The following SHISA5 variants were observed in gnomAD, a reference collection of about 807,000 sequenced individuals.
The protein encoded by SHISA5 is shisa family member 5, also known as protein shisa-5.
Under a neutral mutation model 27.5 loss-of-function variants are expected in SHISA5, and 21 were observed. The observed-to-expected ratio is 0.76, with a 90% CI of 0.54 to 1.10. SHISA5 has a LOEUF of 1.10. Among genes scored for constraint, SHISA5 ranks in the 50% least tolerant of loss-of-function variants. The probability of loss-of-function intolerance (pLI) is 0.00; values close to 1 mark genes in which losing one functional copy is unlikely to be tolerated. For missense variants in SHISA5, 314 were observed against 336.3 expected (o/e 0.93, Z 0.52); for synonymous variants, 137 against 142.2 (o/e 0.96, Z 0.26).
intron 2 of SHISA5, among the ~76,000 whole-genome samples, chr3:48,483,810 G>A (rs1398534096): frequency 8.0e-5 from 12 of 150,476 alleles, no homozygotes; most frequent in East Asian, 5.9e-4. Context: ...CTGGCCGGGC[G>A]GGGGGCTGAC....
At chr3:48,478,367 C>T (rs2040890699) in intron 3 of SHISA5, among the ~76,000 whole-genome samples, 1 of 152,156 alleles carries the variant, frequency 6.6e-6, no homozygotes, top group African/African-American at 2.4e-5. Flanking sequence ...CCCAAGCCCC[C>T]CACTCAGGCC....
chr3:48,491,557 T>A lies in SHISA5; in HGVS notation c.233+9580A>T, dbSNP rs530475260. On this transcript the variant is annotated intron_variant, in intron 2 of 5. Transcript: ENST00000296444. Reference sequence around the variant, plus strand: ...CTGTTTCACGGGCGATGGTCACTCATATTCGGCTCAGAATAAATCTCTTCA... The same window carrying A: ...CTGTTTCACGGGCGATGGTCACTCAAATTCGGCTCAGAATAAATCTCTTCA... Among the ~76,000 whole-genome samples the A allele has an allele frequency of 7.9e-5, 12 of 152,334 alleles. No individual in the cohort carries two copies. The South Asian group carries it at 2.5e-3, about 32-fold the overall frequency.
chr3:48,494,722 CAAGG>C (rs1221440415), intron 2 of SHISA5, among the ~76,000 whole-genome samples: 4 of 147,700 alleles, frequency 2.7e-5, no homozygotes, highest in Non-Finnish European at 5.9e-5. Flanking sequence ...CTGCAATGAA[CAAGG>C]GAGAGCAGGT....
intron 2 of SHISA5, among the ~76,000 whole-genome samples, chr3:48,486,869 G>C (rs916217951): frequency 2.5e-4 from 38 of 149,456 alleles, no homozygotes; most frequent in African/African-American, 8.8e-4. Flanking sequence ...ACAGTGAGCC[G>C]AGACTGAGCC....
At chr3:48,471,441 A>G (rs182483352) in intron 3 of SHISA5, among the ~76,000 whole-genome samples, 22 of 145,588 alleles carry the variant, frequency 1.5e-4, no homozygotes, top group Admixed American at 1.5e-3. Context: ...GGTAGTCCCA[A>G]CTACTCAGGA....
At chr3:48,503,986 G>C in intron 1 of SHISA5, 33 bp downstream of exon 1, 1 of 1,456,204 alleles carries the variant, frequency 6.9e-7, no homozygotes, top group South Asian at 1.3e-5. Context: ...CCCGGTCCCA[G>C]GGCAGGACGG....
At chr3:48,484,577 C>G (rs1349118642) in intron 2 of SHISA5, among the ~76,000 whole-genome samples, 1 of 147,766 alleles carries the variant, frequency 6.8e-6, no homozygotes, top group East Asian at 2.0e-4. Flanking sequence ...GGCGACAGAG[C>G]GAGACACTGT....
At chr3:48,503,295 A>C in intron 1 of SHISA5, 3 of 658,482 alleles carry the variant, frequency 4.6e-6, no homozygotes, top group Non-Finnish European at 7.2e-6. Flanking sequence ...CTACAGGCTC[A>C]CTCCAGGAGT....
chr3:48,470,260 G>C lies in SHISA5; in HGVS notation c.315-417C>G, dbSNP rs1461764904. On this transcript the variant is annotated intron_variant, in intron 3 of 5. Transcript: ENST00000296444. The surrounding 1 kb of genome is among the most constrained non-coding windows in gnomAD (Gnocchi z 4.3). ...CTGGCCTCTGGGAGCCCACAGTCCA[G>C]TGTAGGAGGCAGACAGTGAAGATAA... Among the ~76,000 whole-genome samples the C allele has an allele frequency of 1.3e-5, 2 of 152,244 alleles. No homozygotes were observed. Among genetic ancestry groups the C allele is most frequent in the African/African-American group, 4.8e-5 (2 of 41,460 alleles).
chr3:48,503,036 G>T, intron 1 of SHISA5: 1 of 1,187,728 alleles, frequency 8.4e-7, no homozygotes, highest in Non-Finnish European at 1.1e-6. Context: ...CCTGCTCTGG[G>T]CAAAGCCATG....
At chr3:48,490,567 C>T (rs1390531097) in intron 2 of SHISA5, among the ~76,000 whole-genome samples, 1 of 152,088 alleles carries the variant, frequency 6.6e-6, no homozygotes, top group Non-Finnish European at 1.5e-5. Flanking sequence ...TTTTTTATCT[C>T]GCCCAAATTC....
chr3:48,477,747 C>G (rs1224337526), intron 3 of SHISA5, among the ~76,000 whole-genome samples: 2 of 152,216 alleles, frequency 1.3e-5, no homozygotes, highest in Non-Finnish European at 2.9e-5. Context: ...CACAAGCCTG[C>G]CCTCCTCCAG....
intron 2 of SHISA5, among the ~76,000 whole-genome samples, chr3:48,489,621 CTT>C (rs58568695): frequency 3.7e-5 from 3 of 80,880 alleles, no homozygotes; most frequent in African/African-American, 5.9e-5. Context: ...TGCGCCTGGC[CTT>C]TTTTTTTTTT....
rs1009544117 is a variant in SHISA5, at chr3:48,468,587, G to A, written c.*520C>T. 3.6e-5 allele frequency: 43 copies of A among 1,190,084 alleles called. No homozygotes were observed. Among genetic ancestry groups the A allele is most frequent in the African/African-American group, 4.8e-5 (3 of 62,498 alleles). 73.7% of individuals were successfully genotyped at this position (1,190,084 alleles called of 1,614,324 possible). On this transcript the variant is annotated 3_prime_UTR_variant, in exon 6 of 6. Coordinates refer to ENST00000296444, the MANE Select transcript of SHISA5 (RefSeq NM_016479.6). ...CCAACTTGGCCAGATCCCAAGCTTCGCCTGCATCATGTCCCTGGCTCTGCA... is the reference window on the plus strand; with the variant it reads ...CCAACTTGGCCAGATCCCAAGCTTCACCTGCATCATGTCCCTGGCTCTGCA...
chr3:48,501,525 C>A (rs1377741705), intron 1 of SHISA5, among the ~76,000 whole-genome samples: 4 of 152,184 alleles, frequency 2.6e-5, no homozygotes, highest in South Asian at 2.1e-4. Flanking sequence ...CTCTCCCTCA[C>A]CAGTGCACTG....
chr3:48,469,821 C>T lies in SHISA5; in HGVS notation c.337G>A (p.Gly113Ser). ...ACAGACAGCACAAAGATGGTCAGGC[C>T]AACGGCCAAGGTCGCTCCGAACCTG... is the stretch of plus-strand genomic sequence containing the variant. ...MSGFGATLAV[G>S]LTIFVLSVVT... The change falls in exon 4 of 6, where the codon GGC (glycine) becomes AGC (serine). Residue 113 changes from glycine (G) to serine (S), a missense_variant. By Grantham distance (56) the Gly-to-Ser change is moderately conservative (BLOSUM62 0). Coordinates refer to ENST00000296444, the MANE Select transcript of SHISA5 (RefSeq NM_016479.6). This position sits in a 1 kb window ranked among gnomAD's most constrained non-coding sequence, Gnocchi z 4.6. 1 of 1,613,974 alleles carries T rather than the reference C, an allele frequency of 6.2e-7. No homozygotes were observed. Among genetic ancestry groups the T allele is most frequent in the Non-Finnish European group, 8.5e-7 (1 of 1,179,942 alleles).
chr3:48,472,941 T>C, intron 3 of SHISA5: 2 of 1,436,468 alleles, frequency 1.4e-6, no homozygotes, highest in South Asian at 1.2e-5. Flanking sequence ...GCAAGGCCGT[T>C]ATCATCCCTC....
Position 48,473,130 on chromosome 3 carries a change from C to T in SHISA5, c.315-3287G>A, listed in dbSNP as rs930725356. The T allele has an allele frequency of 1.4e-6, 2 of 1,468,020 alleles. No individual in the cohort carries two copies. The highest frequency in any genetic ancestry group is 1.4e-5 in the African/African-American group (1 of 70,670). 90.9% of individuals were successfully genotyped at this position (1,468,020 alleles called of 1,614,324 possible). A position where few individuals can be genotyped will look rare whatever the true frequency, so the allele number is the denominator to read the frequency against. Reference sequence around the variant, plus strand: ...TTTGGAGAAAAAGAAAGCAAATCTCCTCCAGATGACGTCAGCCACAGGAAG... The same window carrying T: ...TTTGGAGAAAAAGAAAGCAAATCTCTTCCAGATGACGTCAGCCACAGGAAG... On this transcript the variant is annotated intron_variant, in intron 3 of 5. Coordinates refer to ENST00000296444, the MANE Select transcript of SHISA5 (RefSeq NM_016479.6). The surrounding 1 kb of genome is among the most constrained non-coding windows in gnomAD (Gnocchi z 4.3).
chr3:48,475,773 C>G (rs945389880), intron 3 of SHISA5, among the ~76,000 whole-genome samples: 4 of 152,192 alleles, frequency 2.6e-5, no homozygotes, highest in African/African-American at 9.6e-5. Context: ...GTGCAAGGAG[C>G]TGGGAAGAGG....
Sources: allele counts gnomAD v4.1 joint callset (sites outside exome capture counted in the v4.1 genomes callset), GRCh38; gene constraint gnomAD v4.1.1; non-coding constraint Gnocchi (gnomAD v3.1); transcripts MANE v1.5; gene names NCBI Gene and HGNC (gene_info 2026-07-23, HGNC 2026-07-21).